Variants in LHFPL2 observed in about 807,000 individuals in gnomAD.
The protein encoded by LHFPL2 is LHFPL tetraspan subfamily member 2 protein.
LHFPL2 carries 7 observed loss-of-function variants against 17.5 expected under a neutral mutation model. That is an observed-to-expected ratio of 0.40 (90% confidence interval 0.23 to 0.75). The LOEUF is 0.75. LHFPL2 is among the 30% of genes least tolerant of loss of function. The pLI, the probability that LHFPL2 is intolerant of heterozygous loss-of-function variation, is 0.37. For synonymous variants in LHFPL2, 134 were observed against 116.2 expected (o/e 1.15, Z -0.99); for missense variants, 241 against 294.8 (o/e 0.82, Z 1.34).
chr5:78,506,418 ATT>A (rs1754932558), intron 4 of LHFPL2, among the ~76,000 whole-genome samples: 1 of 152,114 alleles, frequency 6.6e-6, no homozygotes, highest in Non-Finnish European at 1.5e-5. Flanking sequence ...CTTTCTCACC[ATT>A]TGTTTCAGTG....
At chr5:78,615,655 C>T (rs528614435) in intron 2 of LHFPL2, among the ~76,000 whole-genome samples, 1 of 152,144 alleles carries the variant, frequency 6.6e-6, no homozygotes, top group Non-Finnish European at 1.5e-5. Context: ...CTTATTCAGC[C>T]TAATCTAAAA....
At chr5:78,589,814 T>C (rs1207876192) in intron 2 of LHFPL2, among the ~76,000 whole-genome samples, 1 of 152,178 alleles carries the variant, frequency 6.6e-6, no homozygotes, top group African/African-American at 2.4e-5. Flanking sequence ...TGATGCCCAG[T>C]CCAGAGCAGG....
chr5:78,510,271 AG>A lies in LHFPL2; in HGVS notation c.-59del, dbSNP rs1755072943. ...TCCACGGAGTTAATCAAAACAAGAA[AG>A]TCGGTGGGGAAGGAGGCTCGGGCGG... On this transcript the variant is annotated 5_prime_UTR_variant, in exon 4 of 5. An upstream open reading frame in the 5' UTR loses its in-frame stop. Transcript: ENST00000380345. 17 of 1,481,904 alleles carry A rather than the reference AG, an allele frequency of 1.1e-5. No individual in the cohort carries two copies. In the East Asian group the frequency reaches 4.0e-4, roughly 35 times the overall value. 91.8% of individuals were successfully genotyped at this position (1,481,904 alleles called of 1,614,324 possible).
chr5:78,644,446 T>C (rs1272758813), intron 1 of LHFPL2: 4 of 630,204 alleles, frequency 6.3e-6, no homozygotes, highest in African/African-American at 5.5e-5. Context: ...TCTGCGGCAG[T>C]GCCCTTCCAC....
chr5:78,559,824 T>C (rs1756675849), intron 3 of LHFPL2, among the ~76,000 whole-genome samples: 1 of 152,222 alleles, frequency 6.6e-6, no homozygotes, highest in Non-Finnish European at 1.5e-5. Context: ...ATCAGTATCA[T>C]AACAATTAAA....
At chr5:78,504,983 G>A (rs757839008) in intron 4 of LHFPL2, among the ~76,000 whole-genome samples, 2 of 152,220 alleles carry the variant, frequency 1.3e-5, no homozygotes, top group Admixed American at 6.5e-5. Context: ...GCAGCTGGCC[G>A]GTGGCTCATG....
At chr5:78,512,292 G>A (rs1250440652) in intron 3 of LHFPL2, among the ~76,000 whole-genome samples, 1 of 151,566 alleles carries the variant, frequency 6.6e-6, no homozygotes, top group Non-Finnish European at 1.5e-5. Context: ...GCAGAGTCCT[G>A]GTCTTCCTGT....
At chr5:78,601,504 C>A (rs1744013479) in intron 2 of LHFPL2, among the ~76,000 whole-genome samples, 1 of 152,096 alleles carries the variant, frequency 6.6e-6, no homozygotes, top group Non-Finnish European at 1.5e-5. Flanking sequence ...GCAGCCTCCC[C>A]CAAAAGGAAC....
chr5:78,490,778 A>AGAG (rs201489202), intron 4 of LHFPL2, among the ~76,000 whole-genome samples: 3 of 149,950 alleles, frequency 2.0e-5, no homozygotes, highest in East Asian at 1.9e-4. Flanking sequence ...AGATACTGCA[A>AGAG]GAGGAGGAGG....
chr5:78,548,192 T>A lies in LHFPL2; in HGVS notation c.-186+16621A>T, dbSNP rs1332679941. The stretch of plus-strand genomic sequence containing the variant: ...TCACGATCCTTGGCTCTGAGTGTTT[T>A]AAGGCCTGGATGTGGCGATGCAGAG... On this transcript the variant is annotated intron_variant, in intron 3 of 4. Coordinates refer to ENST00000380345, the MANE Select transcript of LHFPL2 (RefSeq NM_005779.3). Among the ~76,000 whole-genome samples, 5 of 152,264 alleles carry A rather than the reference T, an allele frequency of 3.3e-5. No homozygotes were observed. The East Asian group carries it at 7.7e-4, about 23-fold the overall frequency.
chr5:78,629,172 T>C (rs1745161447), intron 2 of LHFPL2, among the ~76,000 whole-genome samples: 1 of 152,202 alleles, frequency 6.6e-6, no homozygotes, highest in Admixed American at 6.5e-5. Context: ...AAAAGGCCCA[T>C]AGTGTTAAGA....
At chr5:78,628,135 A>G (rs1424568555) in intron 2 of LHFPL2, among the ~76,000 whole-genome samples, 2 of 152,102 alleles carry the variant, frequency 1.3e-5, no homozygotes, top group African/African-American at 4.8e-5. Context: ...TTACCAGGAG[A>G]GACGTGGACA....
Position 78,613,448 on chromosome 5 carries a change from G to A in LHFPL2, c.-245+18816C>T, listed in dbSNP as rs1260745717. ...CTAGTAGAGTGCATTATTAACACAA[G>A]TCACTTTGCATCATTTACACAAGTC... On this transcript the variant is annotated intron_variant, in intron 2 of 4. Coordinates refer to ENST00000380345, the MANE Select transcript of LHFPL2 (RefSeq NM_005779.3). 3.3e-5 allele frequency among the ~76,000 whole-genome samples: 5 copies of A among 152,218 alleles called. No homozygotes were observed. The East Asian group carries it at 7.7e-4, about 24-fold the overall frequency.
At chr5:78,597,323 T>G (rs1158102724) in intron 2 of LHFPL2, among the ~76,000 whole-genome samples, 1 of 152,158 alleles carries the variant, frequency 6.6e-6, no homozygotes, top group Non-Finnish European at 1.5e-5. Flanking sequence ...TCTCTTCCAG[T>G]TTTTTTCAAT....
intron 3 of LHFPL2, among the ~76,000 whole-genome samples, chr5:78,542,881 T>TA (rs1310910839): frequency 2.6e-5 from 4 of 152,138 alleles, no homozygotes; most frequent in Non-Finnish European, 5.9e-5. Context: ...CCAATGGTGA[T>TA]ATGGAAGGTA....
intron 2 of LHFPL2, among the ~76,000 whole-genome samples, chr5:78,608,450 G>A (rs1453407071): frequency 6.6e-6 from 1 of 152,100 alleles, no homozygotes; most frequent in Non-Finnish European, 1.5e-5. Context: ...TAAAATACAA[G>A]TCAAGCAAAG....
intron 2 of LHFPL2, among the ~76,000 whole-genome samples, chr5:78,573,516 C>T (rs1421172659): frequency 6.6e-6 from 1 of 152,236 alleles, no homozygotes. Context: ...CCAACACACT[C>T]AACCGCTGAA....
At chr5:78,602,808 C>A (rs1331107816) in intron 2 of LHFPL2, among the ~76,000 whole-genome samples, 1 of 152,212 alleles carries the variant, frequency 6.6e-6, no homozygotes, top group Non-Finnish European at 1.5e-5. Flanking sequence ...ATGAGCCGGG[C>A]CCATGCAATT....
At chr5:78,624,807 T>C (rs556391921) in intron 2 of LHFPL2, 20 of 152,234 alleles carry the variant, frequency 1.3e-4, no homozygotes, top group African/African-American at 4.1e-4. Context: ...TCTTTTCTTT[T>C]TTTTTTTTTC....
Sources: allele counts gnomAD v4.1 joint callset (sites outside exome capture counted in the v4.1 genomes callset), GRCh38; gene constraint gnomAD v4.1.1; transcripts MANE v1.5; gene names NCBI Gene and HGNC (gene_info 2026-07-23, HGNC 2026-07-21).